The following PCDHA4 variants were observed in gnomAD, a reference collection of about 807,000 sequenced individuals.
PCDHA4 encodes the protein protocadherin alpha-4.
In PCDHA4, 49 loss-of-function variants were observed where a neutral mutation model predicts 61.4. That is an observed-to-expected ratio of 0.80 (90% CI 0.63 to 1.01). The LOEUF is 1.01. Ranked by LOEUF, PCDHA4 falls within the 50% of genes least tolerant of loss-of-function variation. PCDHA4 has a pLI of 0.00. For synonymous variants in PCDHA4, 590 were observed against 550.3 expected (o/e 1.07, Z -1.01); for missense variants, 1,254 against 1,235.8 (o/e 1.01, Z -0.22).
intron 1 of PCDHA4, among the ~76,000 whole-genome samples, chr5:140,908,711 T>A (rs951399125): frequency 6.6e-6 from 1 of 152,144 alleles, no homozygotes; most frequent in African/African-American, 2.4e-5. Flanking sequence ...CACCATTGGA[T>A]CTGCTGGGTC....
intron 1 of PCDHA4, chr5:140,875,900 C>G (rs1554168051): frequency 1.2e-6 from 2 of 1,614,174 alleles, no homozygotes; most frequent in South Asian, 2.2e-5. Flanking sequence ...GTACCTGTTT[C>G]TGAATCTGCG....
rs546596358 is a variant in PCDHA4, at chr5:140,863,481, A to G, written c.2385+53909A>G. The G allele has an allele frequency of 1.2e-4, 54 of 468,998 alleles. No homozygotes were observed. The Middle Eastern group carries it at 1.4e-3, about 12-fold the overall frequency. The allele number at this position is 468,998 out of a possible 1,614,324, so 29.1% of individuals were successfully genotyped here. Reference sequence around the variant, plus strand: ...ATTTTACTCTGGAGAGTCGCCTCCCAAGGTCAACATTACGGCTTTTAGTCC... The same window carrying G: ...ATTTTACTCTGGAGAGTCGCCTCCCGAGGTCAACATTACGGCTTTTAGTCC... On this transcript the variant is annotated intron_variant, in intron 1 of 3. Coordinates refer to ENST00000530339, the MANE Select transcript of PCDHA4 (RefSeq NM_018907.4).
chr5:140,863,405 C>A (rs1554158176), intron 1 of PCDHA4: 1 of 799,642 alleles, frequency 1.3e-6, no homozygotes, highest in East Asian at 4.2e-5. Flanking sequence ...GGCAAGCCCA[C>A]GCTGGTGTAC....
At chr5:140,920,425 C>T (rs1444166830) in intron 1 of PCDHA4, among the ~76,000 whole-genome samples, 1 of 151,960 alleles carries the variant, frequency 6.6e-6, no homozygotes, top group Non-Finnish European at 1.5e-5. Flanking sequence ...GCTGTTCTCC[C>T]ACACACCTCT....
intron 1 of PCDHA4, chr5:140,821,697 A>G: frequency 7.1e-7 from 1 of 1,400,570 alleles, no homozygotes; most frequent in East Asian, 2.3e-5. Context: ...TAAAAAATAT[A>G]TAGTTAATTG....
At chr5:140,822,326 A>G in intron 1 of PCDHA4, 1 of 1,614,186 alleles carries the variant, frequency 6.2e-7, no homozygotes, top group Non-Finnish European at 8.5e-7. Context: ...GTTAAAACAA[A>G]TGAAGAAGAA....
At chr5:140,858,227 G>C (rs782000026) in intron 1 of PCDHA4, 1 of 1,596,486 alleles carries the variant, frequency 6.3e-7, no homozygotes. Context: ...GGCGCCCACC[G>C]AGGGCGCATG....
At chr5:140,990,900 G>C (rs1164287326) in intron 3 of PCDHA4, among the ~76,000 whole-genome samples, 1 of 152,114 alleles carries the variant, frequency 6.6e-6, no homozygotes, top group Non-Finnish European at 1.5e-5. Flanking sequence ...TCGTTGCTGG[G>C]TCAAGTTTTA....
At chr5:140,995,851 G>A (rs2097700458) in intron 3 of PCDHA4, among the ~76,000 whole-genome samples, 4 of 152,250 alleles carry the variant, frequency 2.6e-5, no homozygotes, top group South Asian at 2.1e-4. Flanking sequence ...CATTTCTATC[G>A]TATCACTTAA....
chr5:140,848,035 A>G (rs1554141975), intron 1 of PCDHA4: 1 of 158,990 alleles, frequency 6.3e-6, no homozygotes, highest in African/African-American at 2.4e-5. Flanking sequence ...TGATTGCTCA[A>G]TGGAATCATT....
chr5:140,808,488 C>G lies in PCDHA4; in HGVS notation c.1301C>G (p.Ser434Trp). The change falls in exon 1 of 4, where the codon TCG becomes TGG. Residue 434 changes from serine to tryptophan, a missense_variant. Coordinates refer to ENST00000530339, the MANE Select transcript of PCDHA4 (RefSeq NM_018907.4). ...VVTARDGGSP[S>W]LWATASVSVE... ...ACCGCGCGAGACGGGGGCTCGCCTT[C>G]GCTGTGGGCCACGGCCAGTGTTTCT... 1 of 1,614,170 alleles carries G rather than the reference C, an allele frequency of 6.2e-7. No homozygotes were observed.
In PCDHA4 at chr5:140,848,788, G is replaced by A. The variant is rs2150420579; in HGVS notation, c.2385+39216G>A. 23 of 1,593,058 alleles carry A rather than the reference G, an allele frequency of 1.4e-5. 3 individuals are homozygous for A. Among genetic ancestry groups the A allele is most frequent in the African/African-American group, 1.3e-5 (1 of 74,170 alleles). On this transcript the variant is annotated intron_variant, in intron 1 of 3. Coordinates refer to ENST00000530339, the MANE Select transcript of PCDHA4 (RefSeq NM_018907.4). ...ATCGACCGCGAGGAGCTGTGCGGGCGGAGCGCGGAGTGCAGCATCCACCTG... is the reference window on the plus strand; with the variant it reads ...ATCGACCGCGAGGAGCTGTGCGGGCAGAGCGCGGAGTGCAGCATCCACCTG...
At chr5:140,914,097 A>G (rs191641220) in intron 1 of PCDHA4, among the ~76,000 whole-genome samples, 38 of 152,298 alleles carry the variant, frequency 2.5e-4, no homozygotes, top group Admixed American at 9.2e-4. Flanking sequence ...AATTTGTTCT[A>G]TAGTGCAGAT....
chr5:140,858,822 T>C (rs1334522952), intron 1 of PCDHA4: 2 of 340,086 alleles, frequency 5.9e-6, no homozygotes, highest in Non-Finnish European at 1.1e-5. Context: ...TGATTGTATT[T>C]GCATTACCAA....
intron 1 of PCDHA4, chr5:140,876,150 C>A (rs782752906): frequency 5.0e-6 from 8 of 1,613,798 alleles, no homozygotes; most frequent in Non-Finnish European, 2.5e-6. Context: ...CAGGGTCTGT[C>A]CAGATTCAAA....
intron 1 of PCDHA4, chr5:140,848,644 A>C: frequency 6.3e-7 from 1 of 1,593,184 alleles, no homozygotes; most frequent in Non-Finnish European, 8.6e-7. Flanking sequence ...CGCATCGCGC[A>C]GGACCTGGGG....
chr5:140,969,586 C>A lies in PCDHA4; in HGVS notation c.2386-9363C>A. The A allele has an allele frequency of 3.4e-6, 3 of 894,952 alleles. No homozygotes were observed. In the Admixed American group the frequency reaches 9.0e-5, roughly 27 times the overall value. The allele number at this position is 894,952 out of a possible 1,614,324, so 55.4% of individuals were successfully genotyped here. A position where few individuals can be genotyped will look rare whatever the true frequency, so the allele number is the denominator to read the frequency against. ...AATTGTTTGAGAAGTGAGGATTAGT[C>A]TTAATATTTAATGCTAAAACACAGA... On this transcript the variant is annotated intron_variant, in intron 1 of 3. Transcript: ENST00000530339.
chr5:140,888,628 T>C (rs2061913275), intron 1 of PCDHA4, among the ~76,000 whole-genome samples: 1 of 152,242 alleles, frequency 6.6e-6, no homozygotes, highest in Admixed American at 6.5e-5. Flanking sequence ...TTCGGCCTTC[T>C]ATTACAGCAA....
intron 1 of PCDHA4, chr5:140,829,721 C>T: frequency 1.2e-6 from 2 of 1,613,590 alleles, no homozygotes; most frequent in Non-Finnish European, 1.7e-6. Flanking sequence ...GGGCGTGCCG[C>T]CTCTGGGCAG....
Sources: allele counts gnomAD v4.1 joint callset (sites outside exome capture counted in the v4.1 genomes callset), GRCh38; gene constraint gnomAD v4.1.1; transcripts MANE v1.5; gene names NCBI Gene and HGNC (gene_info 2026-07-23, HGNC 2026-07-21).